FPR3: variants seen among roughly 807,000 people sequenced by gnomAD.
FPR3 encodes N-formyl peptide receptor 3.
For missense variants in FPR3, 346 were observed against 443.2 expected (o/e 0.78, Z 1.97); for synonymous variants, 135 against 163.6 (o/e 0.83, Z 1.34).
intron 1 of FPR3, among the ~76,000 whole-genome samples, chr19:51,814,545 G>A (rs1326920833): frequency 7.2e-5 from 11 of 152,276 alleles, no homozygotes; most frequent in Admixed American, 6.5e-4. Context: ...CCAGGATGAA[G>A]TGCAGTGGTG....
rs772892369 is a variant in FPR3, at chr19:51,824,612, C to T, written c.864C>T (p.Ser288=). 3 of 1,614,120 alleles carry T rather than the reference C, an allele frequency of 1.9e-6. No individual in the cohort carries two copies. The highest frequency in any genetic ancestry group is 2.2e-5 in the South Asian group (2 of 91,080). Reference sequence around the variant, plus strand: ...TTCTTGTCCTGATTAACCCAACAAGCTCCTTGGCCTTTTTTAACAGCTGCC... The same window carrying T: ...TTCTTGTCCTGATTAACCCAACAAGTTCCTTGGCCTTTTTTAACAGCTGCC... The part of the protein sequence containing the change: ...KIILVLINPT[S]SLAFFNSCLN... Residue 288 remains serine, a synonymous_variant, in exon 2 of 2, where the codon AGC becomes AGT. Coordinates refer to ENST00000339223, the MANE Select transcript of FPR3 (RefSeq NM_002030.5). This position sits in a 1 kb window ranked among gnomAD's most constrained non-coding sequence, Gnocchi z 4.7.
chr19:51,822,977 C>T (rs949046176), intron 1 of FPR3, among the ~76,000 whole-genome samples: 1 of 152,118 alleles, frequency 6.6e-6, no homozygotes, highest in Non-Finnish European at 1.5e-5. Context: ...ATTCTCCTGC[C>T]TCAGCCTCCT....
chr19:51,812,643 C>T (rs1162678354), intron 1 of FPR3, among the ~76,000 whole-genome samples: 1 of 152,180 alleles, frequency 6.6e-6, no homozygotes, highest in Non-Finnish European at 1.5e-5. Flanking sequence ...TGGCATCACA[C>T]ACAAGCTTTG....
chr19:51,809,199 G>A lies in FPR3; in HGVS notation c.-11+13868G>A, dbSNP rs568680958. 1.6e-4 allele frequency among the ~76,000 whole-genome samples: 24 copies of A among 152,300 alleles called. 1 individual carries two copies. Among genetic ancestry groups the A allele is most frequent in the Admixed American group, 1.4e-3 (21 of 15,292 alleles). On this transcript the variant is annotated intron_variant, in intron 1 of 1. Coordinates refer to ENST00000339223, the MANE Select transcript of FPR3 (RefSeq NM_002030.5). ...TAAGTCTCAACCCCATAAATTGATA[G>A]CTATATTTTCAACATAAGACTGAAA...
chr19:51,821,939 GTC>G (rs1298102911), intron 1 of FPR3, among the ~76,000 whole-genome samples: 4 of 152,194 alleles, frequency 2.6e-5, no homozygotes, highest in African/African-American at 9.7e-5. Flanking sequence ...GGTAGGAAGA[GTC>G]TCTAATTTTC....
At chr19:51,813,503 C>A (rs1236860646) in intron 1 of FPR3, among the ~76,000 whole-genome samples, 1 of 151,950 alleles carries the variant, frequency 6.6e-6, no homozygotes, top group Non-Finnish European at 1.5e-5. Flanking sequence ...TGAAGAGACT[C>A]TGAAGGAGTC....
chr19:51,812,084 A>G (rs183833037), intron 1 of FPR3, among the ~76,000 whole-genome samples: 10 of 152,322 alleles, frequency 6.6e-5, no homozygotes, highest in Admixed American at 2.6e-4. Flanking sequence ...AAAATAGCCT[A>G]TGTTGGAGGT....
chr19:51,800,005 C>T (rs2084019419), intron 1 of FPR3, among the ~76,000 whole-genome samples: 1 of 152,238 alleles, frequency 6.6e-6, no homozygotes, highest in South Asian at 2.1e-4. Context: ...CATGGGCCAC[C>T]AGGCTCCTGG....
chr19:51,803,284 C>T (rs1199202597), intron 1 of FPR3, among the ~76,000 whole-genome samples: 1 of 152,130 alleles, frequency 6.6e-6, no homozygotes, highest in African/African-American at 2.4e-5. Context: ...CACTTCAATA[C>T]AGTACTCTCA....
chr19:51,822,445 A>AG (rs1479162038), intron 1 of FPR3, among the ~76,000 whole-genome samples: 1 of 152,240 alleles, frequency 6.6e-6, no homozygotes, highest in South Asian at 2.1e-4. Context: ...TTGTGGGGGG[A>AG]GGGGGCATCA....
intron 1 of FPR3, among the ~76,000 whole-genome samples, chr19:51,796,395 G>A (rs578133384): frequency 2.0e-5 from 3 of 152,180 alleles, no homozygotes; most frequent in Admixed American, 6.5e-5. Context: ...CCTAAGATAA[G>A]GGTAACTTAG....
intron 1 of FPR3, among the ~76,000 whole-genome samples, chr19:51,820,955 G>A (rs1235125457): frequency 1.3e-5 from 2 of 152,190 alleles, no homozygotes; most frequent in African/African-American, 4.8e-5. Context: ...GAAGCTCTTG[G>A]CATGTGAGTA....
chr19:51,797,131 G>A (rs1186373895), intron 1 of FPR3, among the ~76,000 whole-genome samples: 5 of 152,200 alleles, frequency 3.3e-5, no homozygotes, highest in Non-Finnish European at 5.9e-5. Context: ...TGGGTCCTGT[G>A]TCATTGGGAT....
rs570767961 is a variant in FPR3 at position 51,801,637 on chromosome 19, C to T, written c.-11+6306C>T. On this transcript the variant is annotated intron_variant, in intron 1 of 1. Coordinates refer to ENST00000339223, the MANE Select transcript of FPR3 (RefSeq NM_002030.5). ...CTCTACTAAAAGTACAGAAATTAAC[C>T]GGGCGTGATGCTGGGTGCCTGTAAT... Among the ~76,000 whole-genome samples, 31 of 152,212 alleles carry T rather than the reference C, an allele frequency of 2.0e-4. No individual in the cohort carries two copies. In the South Asian group the frequency reaches 2.7e-3, roughly 13 times the overall value.
At chr19:51,797,951 A>G (rs2084009618) in intron 1 of FPR3, among the ~76,000 whole-genome samples, 1 of 125,684 alleles carries the variant, frequency 8.0e-6, no homozygotes, top group Admixed American at 1.1e-4. Flanking sequence ...GTGCAATCTC[A>G]GCTCACTGCA....
chr19:51,797,276 C>T (rs1056332950), intron 1 of FPR3, among the ~76,000 whole-genome samples: 6 of 151,258 alleles, frequency 4.0e-5, no homozygotes, highest in African/African-American at 7.2e-5. Context: ...ACAGCTGAGG[C>T]GAAGAAGGAA....
chr19:51,813,712 T>G (rs534421370), intron 1 of FPR3, among the ~76,000 whole-genome samples: 1 of 152,162 alleles, frequency 6.6e-6, no homozygotes, highest in East Asian at 1.9e-4. Flanking sequence ...GCTTTTGTAT[T>G]TTTAGTAGAG....
chr19:51,799,077 A>AGCT (rs961126573), intron 1 of FPR3, among the ~76,000 whole-genome samples: 14 of 152,162 alleles, frequency 9.2e-5, no homozygotes, highest in Non-Finnish European at 1.8e-4. Context: ...GCTGCAGTCC[A>AGCT]GCTGGGTGAC....
At chr19:51,820,397 T>C (rs1261473473) in intron 1 of FPR3, among the ~76,000 whole-genome samples, 4 of 152,184 alleles carry the variant, frequency 2.6e-5, no homozygotes, top group Admixed American at 2.6e-4. Flanking sequence ...TTAGAAATAA[T>C]AAAATACACA....
Sources: gnomAD v4.1 joint callset for allele counts (sites outside exome capture counted in the v4.1 genomes callset) on GRCh38, gnomAD v4.1.1 for gene constraint, Gnocchi (gnomAD v3.1) non-coding constraint, MANE v1.5 for transcripts, NCBI Gene and HGNC (gene_info 2026-07-23, HGNC 2026-07-21) for gene names.